Variants in TACR3 observed in about 807,000 individuals in gnomAD.
TACR3 encodes the protein tachykinin receptor 3.
In TACR3, 34 loss-of-function variants were observed where a neutral mutation model predicts 35.0. The ratio of observed to expected loss-of-function variants is 0.97; its 90% CI spans 0.74 to 1.30. The LOEUF (loss-of-function observed/expected upper bound fraction) is 1.30. TACR3 is among the 50% of genes most tolerant of loss of function. The pLI, the probability that TACR3 is intolerant of heterozygous loss-of-function variation, is 0.00. For missense variants in TACR3, 558 were observed against 591.7 expected, an observed-to-expected ratio of 0.94 and a Z score of 0.59; for synonymous variants, 233 against 221.1, an observed-to-expected ratio of 1.05 and a Z score of -0.48.
chr4:103,604,901 A>C (rs1724312041), intron 3 of TACR3, among the ~76,000 whole-genome samples: 1 of 150,948 alleles, frequency 6.6e-6, no homozygotes, highest in Non-Finnish European at 1.5e-5. Context: ...ACATATGTAT[A>C]CATGTGCCAT....
chr4:103,717,700 G>T (rs573255020), intron 1 of TACR3, among the ~76,000 whole-genome samples: 1 of 151,840 alleles, frequency 6.6e-6, no homozygotes, highest in African/African-American at 2.4e-5. Flanking sequence ...GAAATAAAAA[G>T]AAAAACAAAC....
intron 3 of TACR3, among the ~76,000 whole-genome samples, chr4:103,651,736 G>A (rs1426189088): frequency 6.6e-6 from 1 of 151,980 alleles, no homozygotes. Flanking sequence ...CTCACCCAAG[G>A]CCCATGGTGT....
chr4:103,635,796 A>G (rs1333394782), intron 3 of TACR3, among the ~76,000 whole-genome samples: 1 of 151,880 alleles, frequency 6.6e-6, no homozygotes, highest in Non-Finnish European at 1.5e-5. Context: ...TTATTTTATG[A>G]ATAAGTTAAT....
At chr4:103,628,794 T>C (rs1724975291) in intron 3 of TACR3, among the ~76,000 whole-genome samples, 1 of 151,966 alleles carries the variant, frequency 6.6e-6, no homozygotes, top group Non-Finnish European at 1.5e-5. Flanking sequence ...CCTAACTCAT[T>C]TTATGAGGCA....
intron 1 of TACR3, among the ~76,000 whole-genome samples, chr4:103,718,415 A>T (rs1159075439): frequency 6.6e-6 from 1 of 152,258 alleles, no homozygotes; most frequent in Non-Finnish European, 1.5e-5. Flanking sequence ...AATGTTCAAT[A>T]TGAGAAGGCA....
chr4:103,663,835 A>G (rs1725882750), intron 1 of TACR3, among the ~76,000 whole-genome samples: 1 of 152,234 alleles, frequency 6.6e-6, no homozygotes, highest in African/African-American at 2.4e-5. Context: ...GTTCACCTGA[A>G]CAAACATTCT....
At chr4:103,691,807 C>T (rs1056643437) in intron 1 of TACR3, among the ~76,000 whole-genome samples, 3 of 152,204 alleles carry the variant, frequency 2.0e-5, no homozygotes, top group South Asian at 2.1e-4. Flanking sequence ...AGGACATGCT[C>T]CTGCTACAGT....
intron 3 of TACR3, 115 bp downstream of exon 3, chr4:103,656,079 A>G: frequency 1.5e-6 from 2 of 1,323,438 alleles, no homozygotes; most frequent in Non-Finnish European, 2.1e-6. Context: ...CAAAGACATT[A>G]AAAACAGGAG....
chr4:103,688,552 GA>G (rs1248981893), intron 1 of TACR3, among the ~76,000 whole-genome samples: 2 of 149,634 alleles, frequency 1.3e-5, no homozygotes, highest in Non-Finnish European at 3.0e-5. Flanking sequence ...AAATTTACAA[GA>G]AAAAAACAAA....
In TACR3 at chr4:103,626,240, C is replaced by T. The variant is rs1010796496; in HGVS notation, c.888+29954G>A. Among the ~76,000 whole-genome samples the T allele has an allele frequency of 5.3e-5, 8 of 152,102 alleles. No homozygotes were observed. In the South Asian group the frequency reaches 1.7e-3, roughly 32 times the overall value. On this transcript the variant is annotated intron_variant, in intron 3 of 4. Coordinates refer to ENST00000304883, the MANE Select transcript of TACR3 (RefSeq NM_001059.3). ...AGGTAGATCCATGTTGAGTCATATA[C>T]ATGTGTAATTTACATAGGTGCTTCT...
At chr4:103,704,986 C>T (rs1047812151) in intron 1 of TACR3, among the ~76,000 whole-genome samples, 12 of 151,964 alleles carry the variant, frequency 7.9e-5, no homozygotes, top group African/African-American at 2.7e-4. Context: ...CATAAAATTT[C>T]GTTTTTGGAT....
At chr4:103,620,449 G>A (rs1238072400) in intron 3 of TACR3, among the ~76,000 whole-genome samples, 2 of 152,090 alleles carry the variant, frequency 1.3e-5, no homozygotes, top group Non-Finnish European at 1.5e-5. Context: ...AGACACATAC[G>A]TTCATCACTG....
At chr4:103,608,670 C>T (rs1419036019) in intron 3 of TACR3, among the ~76,000 whole-genome samples, 1 of 152,098 alleles carries the variant, frequency 6.6e-6, no homozygotes, top group Non-Finnish European at 1.5e-5. Flanking sequence ...TGTTTGAATG[C>T]TATTGGAATA....
chr4:103,598,105 C>G (rs1724085614), intron 3 of TACR3, among the ~76,000 whole-genome samples: 1 of 152,294 alleles, frequency 6.6e-6, no homozygotes, highest in South Asian at 2.1e-4. Flanking sequence ...CACATCCTCT[C>G]CAGCACCTGT....
At chr4:103,598,686 C>T (rs1161813813) in intron 3 of TACR3, among the ~76,000 whole-genome samples, 3 of 152,118 alleles carry the variant, frequency 2.0e-5, no homozygotes, top group Non-Finnish European at 2.9e-5. Flanking sequence ...AGCCAGTTTT[C>T]CCAGCACCAT....
intron 1 of TACR3, among the ~76,000 whole-genome samples, chr4:103,697,158 T>C (rs1298794137): frequency 6.6e-6 from 1 of 152,188 alleles, no homozygotes; most frequent in Non-Finnish European, 1.5e-5. Flanking sequence ...GCTTTTCTGT[T>C]TGTGCATGAA....
intron 3 of TACR3, among the ~76,000 whole-genome samples, chr4:103,642,603 T>C (rs2110320580): frequency 6.6e-6 from 1 of 151,850 alleles, no homozygotes; most frequent in South Asian, 2.1e-4. Context: ...GGGAACTATA[T>C]GAAAATTGAT....
chr4:103,702,489 G>T (rs1021849841), intron 1 of TACR3, among the ~76,000 whole-genome samples: 3 of 152,192 alleles, frequency 2.0e-5, no homozygotes, highest in Admixed American at 6.5e-5. Flanking sequence ...GGAAGTCAGT[G>T]TGGTGATTTC....
At chr4:103,684,982 C>CA (rs1722194322) in intron 1 of TACR3, among the ~76,000 whole-genome samples, 1 of 130,802 alleles carries the variant, frequency 7.6e-6, no homozygotes, top group Admixed American at 7.9e-5. Flanking sequence ...GGCTCCATCT[C>CA]AAAATTAAAT....
Sources: gnomAD v4.1 joint callset for allele counts (sites outside exome capture counted in the v4.1 genomes callset) on GRCh38, gnomAD v4.1.1 for gene constraint, MANE v1.5 for transcripts, NCBI Gene and HGNC (gene_info 2026-07-23, HGNC 2026-07-21) for gene names.